Variants in GPSM1 observed in about 807,000 individuals in gnomAD.
GPSM1 encodes the protein G protein-signaling modulator 1.
A neutral mutation model predicts 70.5 loss-of-function variants in GPSM1; 48 were observed. That is an observed-to-expected ratio of 0.68 (90% CI 0.54 to 0.87). The LOEUF (loss-of-function observed/expected upper bound fraction) is 0.87. Among genes scored for constraint, GPSM1 ranks in the 40% least tolerant of loss-of-function variants. The pLI is 0.00. For missense variants in GPSM1, 981 were observed against 972.6 expected, an observed-to-expected ratio of 1.01 and a Z score of -0.11; for synonymous variants, 416 against 430.1, an observed-to-expected ratio of 0.97 and a Z score of 0.41.
intron 1 of GPSM1, among the ~76,000 whole-genome samples, chr9:136,330,951 T>G (rs1554768402): frequency 6.6e-6 from 1 of 152,156 alleles, no homozygotes; most frequent in East Asian, 1.9e-4. Flanking sequence ...GTAGGACCCC[T>G]GAGCCCACAA....
intron 1 of GPSM1, among the ~76,000 whole-genome samples, chr9:136,333,260 A>C (rs888330293): frequency 8.3e-4 from 127 of 152,174 alleles, no homozygotes; most frequent in African/African-American, 3.0e-3. Context: ...CACACTGGCC[A>C]CCCCATGGCA....
chr9:136,349,777 A>G lies in GPSM1; in HGVS notation c.1455+14A>G, dbSNP rs781815082. 1 of 1,559,386 alleles carries G rather than the reference A, an allele frequency of 6.4e-7. No individual in the cohort carries two copies. Among genetic ancestry groups the G allele is most frequent in the South Asian group, 1.2e-5 (1 of 84,568 alleles). On this transcript the variant is annotated intron_variant, in intron 11 of 13. Coordinates refer to ENST00000440944, the MANE Select transcript of GPSM1 (RefSeq NM_001145638.3). ...GTGCCACGCACGGTAGGCGTCTTTG[A>G]CGGCAGATCCAGGCCGAGAGGGAGG...
At chr9:136,337,819 C>T (rs782253797) in intron 5 of GPSM1, 27 bp from the exon 6 acceptor site, 13 of 1,549,732 alleles carry the variant, frequency 8.4e-6, no homozygotes, top group Non-Finnish European at 1.2e-5. Context: ...GCGCCATGAC[C>T]ACCTGGCCTC....
At position 136,328,366 on chromosome 9, in the gene GPSM1, TGCCCTGGGCCCAGCCGGGC is replaced by T. The variant is rs1255991836; in HGVS notation, c.68+604_68+622del. Among the ~76,000 whole-genome samples the T allele has an allele frequency of 3.3e-5, 5 of 152,188 alleles. No homozygotes were observed. In the East Asian group the frequency reaches 5.9e-4, roughly 18 times the overall value. On this transcript the variant is annotated intron_variant, in intron 1 of 13. Transcript: ENST00000440944. ...TGACTCCCAATGTCCCCCCAGGGGC[TGCCCTGGGCCCAGCCGGGC>T]AGGTGCCTGGAGCCCCAAGCAAGGC...
At chr9:136,346,740 GGCTCATATTTAAATCAGGGCCCT>G (rs1490838324) in intron 9 of GPSM1, among the ~76,000 whole-genome samples, 1 of 152,214 alleles carries the variant, frequency 6.6e-6, no homozygotes, top group African/African-American at 2.4e-5. Context: ...GTCGGGGCCA[GGCTCATATTTAAATCAGGGCCCT>G]GCTGAGGCTG....
In GPSM1 at chr9:136,334,591, G is replaced by C; in HGVS notation, c.213G>C (p.Gln71His). ...AGACACTGAGTGCCATCTACAGCCAGCTGGGCAACGCCTACTTCTACCTGA... is the reference window on the plus strand; with the variant it reads ...AGACACTGAGTGCCATCTACAGCCACCTGGGCAACGCCTACTTCTACCTGA... ...DLKTLSAIYS[Q>H]LGNAYFYLKE... is the part of the protein sequence containing the mutation. Residue 71 changes from glutamine to histidine, a missense_variant, in exon 2 of 14, where the codon CAG becomes CAC. Physicochemically the swap from Gln to His is conservative, Grantham distance 24. Coordinates refer to ENST00000440944, the MANE Select transcript of GPSM1 (RefSeq NM_001145638.3). 1 of 1,613,340 alleles carries C rather than the reference G, an allele frequency of 6.2e-7. No homozygotes were observed. Among genetic ancestry groups the C allele is most frequent in the Non-Finnish European group, 8.5e-7 (1 of 1,179,984 alleles).
chr9:136,341,557 T>G lies in GPSM1; in HGVS notation c.1207+564T>G. The stretch of plus-strand genomic sequence containing the variant: ...CCTGCAAAGCGAAAAGACTAATAGG[T>G]GCCAGGGGGGTGGTGCCAGGTTGGG... On this transcript the variant is annotated intron_variant, in intron 9 of 13. Coordinates refer to ENST00000440944, the MANE Select transcript of GPSM1 (RefSeq NM_001145638.3). This position sits in a 1 kb window ranked among gnomAD's most constrained non-coding sequence, Gnocchi z 6.7. The G allele has an allele frequency of 1.9e-6, 2 of 1,032,176 alleles. No individual in the cohort carries two copies. The highest frequency in any genetic ancestry group is 2.3e-6 in the Non-Finnish European group (2 of 859,064). 63.9% of individuals were successfully genotyped at this position (1,032,176 alleles called of 1,614,324 possible).
chr9:136,337,175 G>A, intron 4 of GPSM1, 103 bp downstream of exon 4: 1 of 1,164,964 alleles, frequency 8.6e-7, no homozygotes, highest in Non-Finnish European at 1.2e-6. Flanking sequence ...CCTCCCGACA[G>A]CTCCCAGGGC....
chr9:136,351,666 C>T (rs1189065526), intron 11 of GPSM1, among the ~76,000 whole-genome samples: 1 of 152,078 alleles, frequency 6.6e-6, no homozygotes, highest in Non-Finnish European at 1.5e-5. Context: ...GAGGCCTTGG[C>T]CAGGGCCCCA....
chr9:136,335,434 C>T (rs1037327154), intron 2 of GPSM1, among the ~76,000 whole-genome samples: 7 of 152,114 alleles, frequency 4.6e-5, no homozygotes, highest in African/African-American at 1.7e-4. Context: ...CCCTGCCCAG[C>T]GCCCTCCCCC....
At chr9:136,336,216 G>A in intron 3 of GPSM1, 115 bp downstream of exon 3, 1 of 1,255,166 alleles carries the variant, frequency 8.0e-7, no homozygotes, top group Non-Finnish European at 1.1e-6. Flanking sequence ...TGGGAGGGAT[G>A]ACAGGGAGGT....
chr9:136,349,630 C>G lies in GPSM1; in HGVS notation c.1322C>G (p.Pro441Arg), dbSNP rs984453655. ...DSHHSGDWRG[P>R]SRDSLPLPVR... The stretch of plus-strand genomic sequence containing the variant: ...CACCATTCAGGGGACTGGCGGGGGC[C>G]CAGCAGGGACTCGCTACCCCTCCCC... The change falls in exon 11 of 14, where the codon CCC (proline) becomes CGC (arginine). Residue 441 changes from proline to arginine, a missense_variant. Pro to Arg is a moderately radical substitution (Grantham distance 103). Coordinates refer to ENST00000440944, the MANE Select transcript of GPSM1 (RefSeq NM_001145638.3). The G allele has an allele frequency of 6.5e-7, 1 of 1,549,944 alleles. No homozygotes were observed. The highest frequency in any genetic ancestry group is 8.7e-7 in the Non-Finnish European group (1 of 1,146,640).
At chr9:136,356,201 G>A (rs920791796) in intron 12 of GPSM1, 141 bp from the exon 13 acceptor site, 10 of 699,834 alleles carry the variant, frequency 1.4e-5, no homozygotes, top group East Asian at 5.7e-5. Context: ...GCCGGTCAGC[G>A]GAGACTCCCC....
intron 13 of GPSM1, among the ~76,000 whole-genome samples, chr9:136,357,374 C>T (rs1554773398): frequency 6.6e-6 from 1 of 152,228 alleles, no homozygotes; most frequent in Non-Finnish European, 1.5e-5. Context: ...CGACCAGCCA[C>T]CTCCAAACCA....
Position 136,337,297 on chromosome 9 carries a change from G to C in GPSM1, c.579-144G>C. 4 of 1,307,196 alleles carry C rather than the reference G, an allele frequency of 3.1e-6. No individual in the cohort carries two copies. In the South Asian group the frequency reaches 4.5e-5, roughly 15 times the overall value. 81.0% of individuals were successfully genotyped at this position (1,307,196 alleles called of 1,614,324 possible). A position where few individuals can be genotyped will look rare whatever the true frequency, so the allele number is the denominator to read the frequency against. On this transcript the variant is annotated intron_variant, in intron 4 of 13. Transcript: ENST00000440944. Reference sequence around the variant, plus strand: ...GACCAAGCCCCAGGTCTCAGAGCTCGAGGACCCTGGAGCCTACCCTAGCCA... The same window carrying C: ...GACCAAGCCCCAGGTCTCAGAGCTCCAGGACCCTGGAGCCTACCCTAGCCA...
At chr9:136,352,888 G>A (rs772733234) in intron 11 of GPSM1, among the ~76,000 whole-genome samples, 10 of 152,166 alleles carry the variant, frequency 6.6e-5, no homozygotes, top group African/African-American at 2.2e-4. Context: ...GAGTGTTTAC[G>A]GAGTGCGCCT....
Position 136,355,559 on chromosome 9 carries a change from CAG to C in GPSM1, c.1456-130_1456-129del, listed in dbSNP as rs10647805. The C allele has an allele frequency of 9.2e-5, 69 of 750,686 alleles. 1 individual carries two copies. Among genetic ancestry groups the C allele is most frequent in the Admixed American group, 1.1e-4 (4 of 37,094 alleles). 46.5% of individuals were successfully genotyped at this position (750,686 alleles called of 1,614,324 possible). A position where few individuals can be genotyped will look rare whatever the true frequency, so the allele number is the denominator to read the frequency against. On this transcript the variant is annotated intron_variant, in intron 11 of 13. Transcript: ENST00000440944. ...CACGTTCTGGGGGAGGGGTAGCCGA[CAG>C]GGGGCAGGTTAGAGTCCCGATCTTG...
chr9:136,342,707 C>A lies in GPSM1; in HGVS notation c.1207+1714C>A, dbSNP rs1323692012. On this transcript the variant is annotated intron_variant, in intron 9 of 13. Transcript: ENST00000440944. This position sits in a 1 kb window ranked among gnomAD's most constrained non-coding sequence, Gnocchi z 5.5. ...GTTGGGGGCGCCACGGAAGGACCCA[C>A]GCAGCCTCCCCATTCGGCAGGTGCG... Among the ~76,000 whole-genome samples the A allele has an allele frequency of 6.6e-6, 1 of 152,110 alleles. No homozygotes were observed. The highest frequency in any genetic ancestry group is 1.5e-5 in the Non-Finnish European group (1 of 67,998).
In GPSM1 at chr9:136,356,524, T is replaced by TTCTTCAACATGCTCA. The variant is rs782806820; in HGVS notation, c.1798_1812dup (p.Phe600_Ile604dup). The TTCTTCAACATGCTCA allele has an allele frequency of 4.8e-5, 77 of 1,611,490 alleles. No homozygotes were observed. The highest frequency in any genetic ancestry group is 6.4e-5 in the Non-Finnish European group (75 of 1,179,100). ...CGAGCCCCAGGAGCCGGGGGACGAC[T>TTCTTCAACATGCTCA]TCTTCAACATGCTCATCAAGTACCA... On this transcript the variant is annotated inframe_insertion, in exon 13 of 14. Coordinates refer to ENST00000440944, the MANE Select transcript of GPSM1 (RefSeq NM_001145638.3).
Sources: gnomAD v4.1 joint callset for allele counts (sites outside exome capture counted in the v4.1 genomes callset) on GRCh38, gnomAD v4.1.1 for gene constraint, Gnocchi (gnomAD v3.1) non-coding constraint, MANE v1.5 for transcripts, NCBI Gene and HGNC (gene_info 2026-07-23, HGNC 2026-07-21) for gene names.